Variants in ERBB2 observed in about 807,000 individuals in gnomAD.
ERBB2 encodes the protein erb-b2 receptor tyrosine kinase 2, also known as receptor tyrosine-protein kinase erbB-2.
ERBB2 carries 61 observed loss-of-function variants against 149.0 expected under a neutral mutation model. The ratio of observed to expected loss-of-function variants is 0.41; its 90% CI spans 0.33 to 0.51. The LOEUF (loss-of-function observed/expected upper bound fraction) is 0.51, where lower values mean the gene tolerates loss of function less well. Among genes scored for constraint, ERBB2 ranks in the 20% least tolerant of loss-of-function variants. The probability of loss-of-function intolerance (pLI) is 0.25; values close to 1 mark genes in which losing one functional copy is unlikely to be tolerated. For synonymous variants in ERBB2, 633 were observed against 678.8 expected, an observed-to-expected ratio of 0.93 and a Z score of 1.05; for missense variants, 1,205 against 1,655.1, an observed-to-expected ratio of 0.73 and a Z score of 4.72.
Position 39,710,080 on chromosome 17 carries a change from C to T in ERBB2, c.644-6C>T. The T allele has an allele frequency of 6.2e-7, 1 of 1,602,116 alleles. No homozygotes were observed. The highest frequency in any genetic ancestry group is 1.3e-5 in the African/African-American group (1 of 74,904). On this transcript the variant is annotated splice_region_variant and splice_polypyrimidine_tract_variant and intron_variant, in intron 5 of 26. Transcript: ENST00000269571. ...CTCAGCCCTCATCCTGCCCTTTGCC[C>T]AACAGTGACGCGCACTGTCTGTGCC...
exon 1 of ERBB2, chr17:39,688,165 C>T: frequency 1.5e-6 from 1 of 661,900 alleles, no homozygotes; most frequent in South Asian, 4.9e-5. Context: ...TGGGCGCCTG[C>T]CCCGCCCCTC....
intron 16 of ERBB2, among the ~76,000 whole-genome samples, chr17:39,721,854 A>G (rs1350994276): frequency 6.6e-6 from 1 of 152,254 alleles, no homozygotes; most frequent in Admixed American, 6.5e-5. Context: ...TACATTCAGT[A>G]TAAACCGTAC....
At chr17:39,719,556 T>C (rs1206342039) in intron 15 of ERBB2, among the ~76,000 whole-genome samples, 3 of 152,212 alleles carry the variant, frequency 2.0e-5, no homozygotes, top group African/African-American at 2.4e-5. Flanking sequence ...CCCCGCTTCC[T>C]ATCCACCACA....
intron 15 of ERBB2, 35 bp downstream of exon 15, chr17:39,717,515 C>G: frequency 6.4e-7 from 1 of 1,562,882 alleles, no homozygotes; most frequent in Non-Finnish European, 8.7e-7. Flanking sequence ...GAAAGGAGGA[C>G]TTTCCTTTCA....
At chr17:39,716,213 A>G in intron 12 of ERBB2, 88 bp from the exon 13 acceptor site, 1 of 1,431,730 alleles carries the variant, frequency 7.0e-7, no homozygotes, top group East Asian at 2.5e-5. Flanking sequence ...CCTCCAGCCC[A>G]CAGCCATGCC....
chr17:39,714,810 G>A (rs55702277), intron 9 of ERBB2, among the ~76,000 whole-genome samples: 13 of 144,608 alleles, frequency 9.0e-5, no homozygotes, highest in African/African-American at 2.3e-4. Context: ...TCGCTTTATC[G>A]CCAGGCTGGT....
chr17:39,699,545 A>G (rs1031074389), upstream of ERBB2: 6 of 1,535,154 alleles, frequency 3.9e-6, no homozygotes, highest in South Asian at 3.6e-5. Context: ...AGATACTTCA[A>G]AGATTCCAGA....
Position 39,708,337 on chromosome 17 carries a change from A to G in ERBB2, c.242A>G (p.Gln81Arg). ...CCCTCCCAGGATATCCAGGAGGTGC[A>G]GGGCTACGTGCTCATCGCTCACAAC... ...LSFLQDIQEV[Q>R]GYVLIAHNQV... Residue 81 changes from glutamine to arginine, a missense_variant, in exon 3 of 27, where the codon CAG becomes CGG. Transcript: ENST00000269571. 6.2e-7 allele frequency: 1 copy of G among 1,613,986 alleles called. No homozygotes were observed. The highest frequency in any genetic ancestry group is 8.5e-7 in the Non-Finnish European group (1 of 1,179,876).
upstream of ERBB2, among the ~76,000 whole-genome samples, chr17:39,690,299 T>A (rs2057667150): frequency 6.6e-6 from 1 of 152,186 alleles, no homozygotes; most frequent in South Asian, 2.1e-4. Flanking sequence ...TTGCCTAGAC[T>A]GGTCTCCAAT....
In ERBB2 at chr17:39,725,630, C is replaced by T. The variant is rs2059713678; in HGVS notation, c.2726-77C>T. 3 of 1,486,154 alleles carry T rather than the reference C, an allele frequency of 2.0e-6. 1 individual carries two copies. The highest frequency in any genetic ancestry group is 2.5e-5 in the South Asian group (2 of 78,482). 92.1% of individuals were successfully genotyped at this position (1,486,154 alleles called of 1,614,324 possible). The stretch of plus-strand genomic sequence containing the variant: ...CCCTGCTACCTGCCATGATGCTAGA[C>T]TCCTGAGCAGAACCTCTGGCTCAGT... On this transcript the variant is annotated intron_variant, in intron 22 of 26. Coordinates refer to ENST00000269571, the MANE Select transcript of ERBB2 (RefSeq NM_004448.4). This position sits in a 1 kb window ranked among gnomAD's most constrained non-coding sequence, Gnocchi z 4.6.
At chr17:39,718,063 C>T (rs570878017) in intron 15 of ERBB2, among the ~76,000 whole-genome samples, 8 of 152,314 alleles carry the variant, frequency 5.3e-5, no homozygotes, top group Admixed American at 3.9e-4. Flanking sequence ...CTGCCAGCCT[C>T]GGTCCCCCAA....
chr17:39,691,617 G>A (rs2057704618), upstream of ERBB2, among the ~76,000 whole-genome samples: 1 of 141,264 alleles, frequency 7.1e-6, no homozygotes, highest in Admixed American at 7.1e-5. Context: ...TCTAACCCAG[G>A]AATTTCACTC....
At chr17:39,717,184 G>A in intron 14 of ERBB2, 136 bp from the exon 15 acceptor site, 1 of 639,392 alleles carries the variant, frequency 1.6e-6, no homozygotes. Flanking sequence ...GAGCAAGGGT[G>A]TTTGTCCCAG....
At chr17:39,700,024 G>A (rs916315395), upstream of ERBB2, 6 of 1,268,308 alleles carry the variant, frequency 4.7e-6, no homozygotes, top group Non-Finnish European at 5.9e-6. Flanking sequence ...GAGGAGGGCT[G>A]CTTGAGGAAG....
rs775826753 is a variant in ERBB2 at position 39,707,033 on chromosome 17, C to T, written c.117C>T (p.Pro39=). 20 of 1,604,802 alleles carry T rather than the reference C, an allele frequency of 1.2e-5. No individual in the cohort carries two copies. In the African/African-American group the frequency reaches 1.3e-4, roughly 11 times the overall value. Residue 39 remains proline, a synonymous_variant, in exon 2 of 27, where the codon CCC becomes CCT. Coordinates refer to ENST00000269571, the MANE Select transcript of ERBB2 (RefSeq NM_004448.4). The part of the protein sequence containing the change: ...TDMKLRLPAS[P]ETHLDMLRHL... ...TGAAGCTGCGGCTCCCTGCCAGTCCCGAGACCCACCTGGACATGCTCCGCC... is the reference window on the plus strand; with the variant it reads ...TGAAGCTGCGGCTCCCTGCCAGTCCTGAGACCCACCTGGACATGCTCCGCC...
Position 39,727,989 on chromosome 17 carries a change from A to G in ERBB2, c.3713A>G (p.Lys1238Arg), listed in dbSNP as rs1434968779. ...PERGAPPSTF[K>R]GTPTAENPEY... Reference sequence around the variant, plus strand: ...CGGGGGGCTCCACCCAGCACCTTCAAAGGGACACCTACGGCAGAGAACCCA... The same window carrying G: ...CGGGGGGCTCCACCCAGCACCTTCAGAGGGACACCTACGGCAGAGAACCCA... The change falls in exon 27 of 27, where the codon AAA becomes AGA. Residue 1238 changes from lysine to arginine, a missense_variant. By Grantham distance (26) the Lys-to-Arg change is conservative (BLOSUM62 2). This residue lies in a region of ERBB2 where 312 missense variants were observed against 343.8 expected (regional missense o/e 0.91). Transcript: ENST00000269571. The surrounding 1 kb of genome is among the most constrained non-coding windows in gnomAD (Gnocchi z 4.3). The G allele has an allele frequency of 1.2e-6, 2 of 1,612,684 alleles. No individual in the cohort carries two copies. The highest frequency in any genetic ancestry group is 1.7e-6 in the Non-Finnish European group (2 of 1,179,858).
rs2145446835 is a variant in ERBB2 at position 39,708,516 on chromosome 17, C to A, written c.421C>A (p.Gln141Lys). Residue 141 changes from glutamine to lysine, a missense_variant, in exon 3 of 27, where the codon CAG becomes AAG. Gln to Lys is a moderately conservative substitution (Grantham distance 53). Transcript: ENST00000269571. ...GASPGGLRELQLRSLTEILKG... is the reference protein window; with the variant it reads ...GASPGGLRELKLRSLTEILKG... Reference sequence around the variant, plus strand: ...CTCCCCAGGAGGCCTGCGGGAGCTGCAGCTTCGAAGCCTCACAGGTGGCCT... The same window carrying A: ...CTCCCCAGGAGGCCTGCGGGAGCTGAAGCTTCGAAGCCTCACAGGTGGCCT... 6.2e-7 allele frequency: 1 copy of A among 1,613,948 alleles called. No homozygotes were observed. Among genetic ancestry groups the A allele is most frequent in the Non-Finnish European group, 8.5e-7 (1 of 1,179,856 alleles).
chr17:39,692,008 C>G (rs930761150), upstream of ERBB2, among the ~76,000 whole-genome samples: 2 of 149,220 alleles, frequency 1.3e-5, no homozygotes, highest in African/African-American at 5.0e-5. Flanking sequence ...TGTGTGCCAC[C>G]ACATCCGGCT....
Position 39,710,213 on chromosome 17 carries a change from T to C in ERBB2, c.759+12T>C, listed in dbSNP as rs2145507933. On this transcript the variant is annotated intron_variant, in intron 6 of 26. Transcript: ENST00000269571. ...ACTCTGACTGCCTGGTATGTGCCTC[T>C]GCTTTGTGCCCAATGTGCTCTACCC... The C allele has an allele frequency of 6.2e-7, 1 of 1,611,592 alleles. No individual in the cohort carries two copies. Among genetic ancestry groups the C allele is most frequent in the Non-Finnish European group, 8.5e-7 (1 of 1,178,376 alleles).
Sources: gnomAD v4.1 joint callset for allele counts (sites outside exome capture counted in the v4.1 genomes callset) on GRCh38, gnomAD v4.1.1 for gene constraint, gnomAD v4.1.1 regional missense constraint, Gnocchi (gnomAD v3.1) non-coding constraint, MANE v1.5 for transcripts, NCBI Gene and HGNC (gene_info 2026-07-23, HGNC 2026-07-21) for gene names.